Variants in DCHS2 observed in about 807,000 individuals in gnomAD.
DCHS2 encodes dachsous cadherin-related 2.
In DCHS2, 142 loss-of-function variants were observed where a neutral mutation model predicts 182.4. The observed-to-expected ratio is 0.78, with a 90% CI of 0.68 to 0.89. The LOEUF is 0.89. Ranked by LOEUF, DCHS2 falls within the 40% of genes least tolerant of loss-of-function variation. The pLI, the probability that DCHS2 is intolerant of heterozygous loss-of-function variation, is 0.00. For synonymous variants in DCHS2, 1,740 were observed against 1,663.3 expected, an observed-to-expected ratio of 1.05 and a Z score of -1.12; for missense variants, 4,319 against 4,198.6, an observed-to-expected ratio of 1.03 and a Z score of -0.79.
chr4:154,314,517 A>G (rs1735781089), intron 10 of DCHS2, among the ~76,000 whole-genome samples: 3 of 152,186 alleles, frequency 2.0e-5, no homozygotes, highest in Non-Finnish European at 2.9e-5. Flanking sequence ...AAAGAGTGTT[A>G]GTAACATCAC....
chr4:154,376,682 C>T (rs1434464818), intron 2 of DCHS2, among the ~76,000 whole-genome samples: 1 of 152,100 alleles, frequency 6.6e-6, no homozygotes, highest in South Asian at 2.1e-4. Flanking sequence ...AATGGCATCA[C>T]CTAAATGAAT....
chr4:154,378,271 G>A (rs1731005058), intron 1 of DCHS2, among the ~76,000 whole-genome samples: 1 of 152,052 alleles, frequency 6.6e-6, no homozygotes, highest in African/African-American at 2.4e-5. Context: ...GGAGTATATA[G>A]TGAGAAATAC....
At chr4:154,464,984 G>A (rs186347177) in intron 1 of DCHS2, among the ~76,000 whole-genome samples, 33 of 152,270 alleles carry the variant, frequency 2.2e-4, no homozygotes, top group African/African-American at 7.7e-4. Flanking sequence ...GCACCCCCAG[G>A]CAACTGGCAG....
intron 1 of DCHS2, chr4:154,391,270 CTG>C (rs1475091257): frequency 6.2e-7 from 1 of 1,605,486 alleles, no homozygotes; most frequent in Admixed American, 1.7e-5. Context: ...TCTTCATTCT[CTG>C]ATTTCGTTAT....
At chr4:154,480,929 TA>T (rs1442547918) in intron 1 of DCHS2, among the ~76,000 whole-genome samples, 3 of 152,164 alleles carry the variant, frequency 2.0e-5, no homozygotes, top group Non-Finnish European at 2.9e-5. Context: ...CCTGGCCTAA[TA>T]TTCTAATTAT....
chr4:154,320,604 G>A lies in DCHS2; in HGVS notation c.4795C>T (p.Arg1599Trp), dbSNP rs747879821. Residue 1599 changes from arginine to tryptophan, a missense_variant, in exon 9 of 20, where the codon CGG (arginine) becomes TGG (tryptophan). Arg to Trp is a moderately radical substitution (Grantham distance 101, BLOSUM62 -3). Transcript: ENST00000357232. ...TGTGCTGTCAGTGATCTCAGTCGCCGGTCTGTCACATTCACAGCCTGATCA... is the reference window on the plus strand; with the variant it reads ...TGTGCTGTCAGTGATCTCAGTCGCCAGTCTGTCACATTCACAGCCTGATCA... ...ASDQAVNVTD[R>W]RLRSLTAQIV... 1.4e-5 allele frequency: 23 copies of A among 1,613,926 alleles called. No homozygotes were observed. The highest frequency in any genetic ancestry group is 1.3e-4 in the African/African-American group (10 of 74,890).
At chr4:154,356,757 T>C (rs1729890950) in intron 3 of DCHS2, among the ~76,000 whole-genome samples, 1 of 152,164 alleles carries the variant, frequency 6.6e-6, no homozygotes, top group South Asian at 2.1e-4. Context: ...GGCTATGCCA[T>C]CTAGATTTAT....
At chr4:154,366,066 AC>A (rs1482078791) in intron 3 of DCHS2, 143 bp downstream of exon 3, 2 of 638,412 alleles carry the variant, frequency 3.1e-6, no homozygotes, top group Non-Finnish European at 5.5e-6. Context: ...TTTTCAATAT[AC>A]TTCAGCATCT....
chr4:154,477,941 T>G (rs1735755180), intron 1 of DCHS2, among the ~76,000 whole-genome samples: 1 of 152,234 alleles, frequency 6.6e-6, no homozygotes, highest in South Asian at 2.1e-4. Flanking sequence ...AGCTAATTCA[T>G]GGAGTTGATT....
chr4:154,466,765 G>C (rs1488128883), intron 1 of DCHS2, among the ~76,000 whole-genome samples: 1 of 152,150 alleles, frequency 6.6e-6, no homozygotes, highest in Non-Finnish European at 1.5e-5. Flanking sequence ...TATTCTTAAA[G>C]CTAGGTTTTA....
intron 1 of DCHS2, among the ~76,000 whole-genome samples, chr4:154,404,933 C>T (rs1732335106): frequency 6.6e-6 from 1 of 152,158 alleles, no homozygotes; most frequent in African/African-American, 2.4e-5. Context: ...CCTCTACCCC[C>T]AGAGTCCACC....
At chr4:154,389,516 T>TTATATATACATATATATATATATATATA (rs1731577042) in intron 1 of DCHS2, among the ~76,000 whole-genome samples, 13 of 111,130 alleles carry the variant, frequency 1.2e-4, no homozygotes, top group Non-Finnish European at 2.6e-4. Flanking sequence ...AAGACAAAGG[T>TTATATATACATATATATATATATATATA]TATATATATA....
chr4:154,319,728 C>T (rs1735986009), intron 9 of DCHS2, among the ~76,000 whole-genome samples: 2 of 148,430 alleles, frequency 1.3e-5, no homozygotes, highest in South Asian at 4.2e-4. Flanking sequence ...CCCTTGTATA[C>T]TGTTGGTGGG....
intron 2 of DCHS2, among the ~76,000 whole-genome samples, chr4:154,376,643 G>A (rs1730913519): frequency 6.6e-6 from 1 of 152,132 alleles, no homozygotes; most frequent in Admixed American, 6.6e-5. Context: ...GAAAATAATG[G>A]TATGTGTCTG....
chr4:154,439,995 A>G (rs1170640107), intron 1 of DCHS2, among the ~76,000 whole-genome samples: 1 of 152,184 alleles, frequency 6.6e-6, no homozygotes, highest in African/African-American at 2.4e-5. Context: ...TTTCCCATTC[A>G]ATTTTGCAAA....
chr4:154,446,163 A>G (rs1734277451), intron 1 of DCHS2, among the ~76,000 whole-genome samples: 1 of 152,208 alleles, frequency 6.6e-6, no homozygotes, highest in Non-Finnish European at 1.5e-5. Flanking sequence ...TTTCTCAGGA[A>G]ATAGATAAGA....
Position 154,259,635 on chromosome 4 carries a change from C to T in DCHS2, c.6699G>A (p.Gln2233=), listed in dbSNP as rs1732878579. The change falls in exon 15 of 20, where the codon CAG becomes CAA. Residue 2233 remains glutamine (Q), a synonymous_variant. Transcript: ENST00000357232. The part of the protein sequence containing the change: ...RAYCKVAVLI[Q]DENDNSPCFE... The stretch of plus-strand genomic sequence containing the variant: ...AGCATGGTGAATTATCATTCTCATC[C>T]TGTATCAAGACTGCTACTTTGCAAT... The T allele has an allele frequency of 6.2e-7, 1 of 1,614,012 alleles. No individual in the cohort carries two copies. Among genetic ancestry groups the T allele is most frequent in the African/African-American group, 1.3e-5 (1 of 75,006 alleles).
At chr4:154,432,804 G>A (rs1009915227) in intron 1 of DCHS2, among the ~76,000 whole-genome samples, 3 of 152,124 alleles carry the variant, frequency 2.0e-5, no homozygotes, top group African/African-American at 4.8e-5. Flanking sequence ...AGTGAGCTCA[G>A]CCATCCAATA....
intron 15 of DCHS2, among the ~76,000 whole-genome samples, chr4:154,258,367 C>CTTTTTTTTTTTTTTTTTTTT (rs771510956): frequency 1.7e-5 from 1 of 58,850 alleles, no homozygotes. Flanking sequence ...AAAAGAAAGG[C>CTTTTTTTTTTTTTTTTTTTT]TTTTTTTTTT....
Sources: allele counts gnomAD v4.1 joint callset (sites outside exome capture counted in the v4.1 genomes callset), GRCh38; gene constraint gnomAD v4.1.1; transcripts MANE v1.5; gene names NCBI Gene and HGNC (gene_info 2026-07-23, HGNC 2026-07-21).